The following FRYL variants were observed in gnomAD, a reference collection of about 807,000 sequenced individuals.
The protein encoded by FRYL is protein furry homolog-like.
Under a neutral mutation model 351.2 loss-of-function variants are expected in FRYL, and 150 were observed. That is an observed-to-expected ratio of 0.43 (90% CI 0.37 to 0.49). The LOEUF is 0.49. Among genes scored for constraint, FRYL ranks in the 20% least tolerant of loss-of-function variants. The pLI is 0.00. For synonymous variants in FRYL, 1,153 were observed against 1,257.1 expected (o/e 0.92, Z 1.75); for missense variants, 3,036 against 3,619.3 (o/e 0.84, Z 4.13).
intron 28 of FRYL, among the ~76,000 whole-genome samples, chr4:48,566,102 T>G (rs11725451): frequency 6.6e-6 from 1 of 152,208 alleles, no homozygotes; most frequent in Non-Finnish European, 1.5e-5. Context: ...GAGATACGTG[T>G]TTTCAAACTT....
At chr4:48,557,225 A>G in intron 34 of FRYL, 107 bp from the exon 35 acceptor site, 1 of 1,353,944 alleles carries the variant, frequency 7.4e-7, no homozygotes, top group Admixed American at 2.3e-5. Context: ...GATAGCTTTA[A>G]TCGTTTCCAC....
Position 48,607,091 on chromosome 4 carries a change from C to A in FRYL, c.573-485G>T, listed in dbSNP as rs1242978931. ...TTAAAATCAATACATCATTACACTG[C>A]CAAAAGGCTTTTGAAATGTGAGCAT... On this transcript the variant is annotated intron_variant, in intron 9 of 63. Transcript: ENST00000358350. 5.9e-5 allele frequency among the ~76,000 whole-genome samples: 9 copies of A among 152,204 alleles called. No homozygotes were observed. In the South Asian group the frequency reaches 1.2e-3, roughly 21 times the overall value.
intron 53 of FRYL, among the ~76,000 whole-genome samples, chr4:48,524,474 G>T (rs538870791): frequency 6.6e-6 from 1 of 152,236 alleles, no homozygotes; most frequent in South Asian, 2.1e-4. Flanking sequence ...GAATGAATAT[G>T]CACTGTGGGC....
intron 3 of FRYL, chr4:48,680,841 C>T: frequency 2.7e-6 from 1 of 366,414 alleles, no homozygotes; most frequent in Non-Finnish European, 4.1e-6. Context: ...CAAAATATTC[C>T]TGCTCACTAG....
At chr4:48,697,405 A>G (rs1766302388) in intron 2 of FRYL, among the ~76,000 whole-genome samples, 1 of 152,190 alleles carries the variant, frequency 6.6e-6, no homozygotes, top group Non-Finnish European at 1.5e-5. Flanking sequence ...TACAGGTGCC[A>G]ATTTTAAATC....
At chr4:48,560,760 G>C (rs1421466571) in intron 33 of FRYL, among the ~76,000 whole-genome samples, 1 of 152,184 alleles carries the variant, frequency 6.6e-6, no homozygotes, top group African/African-American at 2.4e-5. Flanking sequence ...AATGTTATGA[G>C]AATTTAAGTT....
chr4:48,748,707 G>C (rs1772937045), intron 1 of FRYL, among the ~76,000 whole-genome samples: 1 of 152,184 alleles, frequency 6.6e-6, no homozygotes, highest in Non-Finnish European at 1.5e-5. Context: ...ATGTATCAAT[G>C]AACAAAACAG....
rs773571782 is a variant in FRYL at position 48,499,584 on chromosome 4, T to C, written c.8880A>G (p.Thr2960=). ...TAGAGCCTATAACTGCAAAGCTTCC[T>C]GTCTGGCCCAGCGTCTGATGATGGA... ...IYFHHQTLGQ[T]GSFAVIGSNL... Residue 2960 remains threonine, a synonymous_variant, in exon 64 of 64, where the codon ACA becomes ACG. Transcript: ENST00000358350. 3 of 1,614,190 alleles carry C rather than the reference T, an allele frequency of 1.9e-6. No homozygotes were observed. Among genetic ancestry groups the C allele is most frequent in the East Asian group, 4.5e-5 (2 of 44,876 alleles).
chr4:48,535,925 T>G lies in FRYL; in HGVS notation c.6394-98A>C, dbSNP rs183245299. The G allele has an allele frequency of 6.0e-6, 6 of 999,458 alleles. No homozygotes were observed. The East Asian group carries it at 1.7e-4, about 29-fold the overall frequency. 61.9% of individuals were successfully genotyped at this position (999,458 alleles called of 1,614,324 possible). A position where few individuals can be genotyped will look rare whatever the true frequency, so the allele number is the denominator to read the frequency against. On this transcript the variant is annotated intron_variant, in intron 47 of 63. Transcript: ENST00000358350. ...TATTCGCTTAATGAAATAATTTAGA[T>G]GTATATTGGTTTTAATGCATTTTAC...
intron 3 of FRYL, among the ~76,000 whole-genome samples, chr4:48,660,610 T>G (rs1301063862): frequency 1.3e-5 from 2 of 152,172 alleles, no homozygotes; most frequent in African/African-American, 4.8e-5. Flanking sequence ...GGTGTGATAG[T>G]TCATTCCTAG....
intron 26 of FRYL, among the ~76,000 whole-genome samples, 171 bp downstream of exon 26, chr4:48,573,015 G>T (rs928107599): frequency 2.0e-5 from 3 of 152,062 alleles, no homozygotes; most frequent in Non-Finnish European, 4.4e-5. Context: ...TTTTTCATCC[G>T]TTTTACATAA....
chr4:48,620,715 CA>C lies in FRYL; in HGVS notation c.237del (p.Phe79LeufsTer43). The C allele has an allele frequency of 6.2e-7, 1 of 1,613,932 alleles. No homozygotes were observed. Among genetic ancestry groups the C allele is most frequent in the South Asian group, 1.1e-5 (1 of 91,066 alleles). On this transcript the variant is annotated frameshift_variant, in exon 6 of 64. Coordinates refer to ENST00000358350, the MANE Select transcript of FRYL (RefSeq NM_015030.2). LOFTEE classifies it high-confidence loss of function. ...HCLPSLLRTL[F>X]DWYRRQNGTE... is the part of the protein sequence containing the mutation. ...GTTCCATTTTGGCGTCTGTACCAGT[CA>C]AACAAGGTGCGAAGTAAGGAAGGGA... is the stretch of plus-strand genomic sequence containing the variant.
intron 3 of FRYL, chr4:48,645,989 ATCT>A (rs1267152232): frequency 6.6e-6 from 1 of 152,186 alleles, no homozygotes; most frequent in East Asian, 1.9e-4. Context: ...TACTGGAATC[ATCT>A]TCTTATTTTC....
rs1755139505 is a variant in FRYL at position 48,640,655 on chromosome 4, A to C, written c.-80-6165T>G. On this transcript the variant is annotated intron_variant, in intron 3 of 63. Transcript: ENST00000358350. ...TGGAATGTAAACTTTAGTTAATAAT[A>C]ATGTTTCAATATTGTTTCATCAATG... Among the ~76,000 whole-genome samples, 3 of 152,150 alleles carry C rather than the reference A, an allele frequency of 2.0e-5. No individual in the cohort carries two copies. In the South Asian group the frequency reaches 6.2e-4, roughly 32 times the overall value.
chr4:48,586,420 T>C (rs1296437277), intron 19 of FRYL, among the ~76,000 whole-genome samples: 1 of 150,532 alleles, frequency 6.6e-6, no homozygotes, highest in Non-Finnish European at 1.5e-5. Flanking sequence ...CTAGAAGAAT[T>C]TGAGAAGTTA....
intron 2 of FRYL, among the ~76,000 whole-genome samples, chr4:48,692,415 C>CA (rs1765759103): frequency 4.6e-5 from 7 of 150,768 alleles, no homozygotes; most frequent in South Asian, 2.1e-4. Flanking sequence ...TTTTTTGAGA[C>CA]AGAGTTTCAC....
At chr4:48,685,012 C>T (rs1765009300) in intron 2 of FRYL, among the ~76,000 whole-genome samples, 1 of 151,952 alleles carries the variant, frequency 6.6e-6, no homozygotes, top group African/African-American at 2.4e-5. Flanking sequence ...GTATCATGAA[C>T]CCCCCACCAT....
intron 1 of FRYL, among the ~76,000 whole-genome samples, chr4:48,767,347 TG>T (rs1331392560): frequency 6.6e-6 from 1 of 152,156 alleles, no homozygotes; most frequent in African/African-American, 2.4e-5. Flanking sequence ...GGGGGAAATC[TG>T]ACCGAATGAT....
At chr4:48,655,508 CCA>C (rs1758658168) in intron 3 of FRYL, among the ~76,000 whole-genome samples, 1 of 151,548 alleles carries the variant, frequency 6.6e-6, no homozygotes, top group African/African-American at 2.4e-5. Flanking sequence ...CAAAATACTC[CCA>C]GTTTTACAGA....
Sources: allele counts gnomAD v4.1 joint callset (sites outside exome capture counted in the v4.1 genomes callset), GRCh38; gene constraint gnomAD v4.1.1; transcripts MANE v1.5; gene names NCBI Gene and HGNC (gene_info 2026-07-23, HGNC 2026-07-21).